KIF26B: variants seen among roughly 807,000 people sequenced by gnomAD.
KIF26B encodes kinesin family member 26B, also known as kinesin-like protein KIF26B.
A neutral mutation model predicts 151.2 loss-of-function variants in KIF26B; 63 were observed. That is an observed-to-expected ratio of 0.42 (90% CI 0.34 to 0.51). The LOEUF is 0.51. Among genes scored for constraint, KIF26B ranks in the 20% least tolerant of loss-of-function variants. KIF26B has a pLI of 0.07. For synonymous variants in KIF26B, 1,357 were observed against 1,262.1 expected (o/e 1.08, Z -1.59); for missense variants, 2,813 against 2,913.6 (o/e 0.97, Z 0.79).
At chr1:245,566,256 G>A (rs1263152308) in intron 5 of KIF26B, among the ~76,000 whole-genome samples, 1 of 152,226 alleles carries the variant, frequency 6.6e-6, no homozygotes, top group Non-Finnish European at 1.5e-5. Context: ...GTCATGGCCA[G>A]CCCCAACAGA....
In KIF26B at chr1:245,706,907, C is replaced by CA. The variant is rs2044848331; in HGVS notation, c.*4302dup. 3.3e-5 allele frequency: 5 copies of CA among 152,140 alleles called. No individual in the cohort carries two copies. In the South Asian group the frequency reaches 1.0e-3, roughly 32 times the overall value. 9.4% of individuals were successfully genotyped at this position (152,140 alleles called of 1,614,324 possible). A position where few individuals can be genotyped will look rare whatever the true frequency, so the allele number is the denominator to read the frequency against. ...AATGGGTCTCAAATTTTGGTGGGGG[C>CA]AGTGTTTCTTTGGATTCTGATACCT... On this transcript the variant is annotated 3_prime_UTR_variant, in exon 15 of 15. Coordinates refer to ENST00000407071, the MANE Select transcript of KIF26B (RefSeq NM_018012.4).
At chr1:245,504,328 T>TTCCTTCCC (rs1330898490) in intron 4 of KIF26B, among the ~76,000 whole-genome samples, 9 of 147,888 alleles carry the variant, frequency 6.1e-5, no homozygotes, top group Non-Finnish European at 1.2e-4. Flanking sequence ...CTGCCCTTCC[T>TTCCTTCCC]TCCTTCCCTC....
intron 9 of KIF26B, among the ~76,000 whole-genome samples, chr1:245,643,755 AATG>A (rs1455793619): frequency 2.0e-5 from 3 of 152,130 alleles, no homozygotes; most frequent in African/African-American, 7.2e-5. Context: ...TTTGTTTTGG[AATG>A]ATACTTTTGC....
chr1:245,326,181 C>G (rs757683396), intron 2 of KIF26B, among the ~76,000 whole-genome samples: 1 of 152,188 alleles, frequency 6.6e-6, no homozygotes, highest in Non-Finnish European at 1.5e-5. Context: ...TGCAGTCAAT[C>G]TAACTGATGT....
At chr1:245,184,050 G>GTTGTTGTTTTTT (rs1553332271) in intron 2 of KIF26B, among the ~76,000 whole-genome samples, 20 of 19,810 alleles carry the variant, frequency 1.0e-3, no homozygotes, top group Non-Finnish European at 1.5e-3. Flanking sequence ...GGGAGTTGTT[G>GTTGTTGTTTTTT]TTTTTTTTTT....
intron 4 of KIF26B, among the ~76,000 whole-genome samples, chr1:245,533,842 G>A (rs1478110708): frequency 6.6e-6 from 1 of 151,486 alleles, no homozygotes; most frequent in African/African-American, 2.4e-5. Context: ...ACATAATTGA[G>A]ACCTAAGACT....
At chr1:245,161,364 TC>T (rs922304039) in intron 2 of KIF26B, among the ~76,000 whole-genome samples, 1 of 152,208 alleles carries the variant, frequency 6.6e-6, no homozygotes, top group African/African-American at 2.4e-5. Flanking sequence ...TTTGCAAAAA[TC>T]CCTGGCCTGC....
chr1:245,444,937 T>G (rs1659214064), intron 4 of KIF26B, among the ~76,000 whole-genome samples: 1 of 152,168 alleles, frequency 6.6e-6, no homozygotes, highest in African/African-American at 2.4e-5. Flanking sequence ...AGCAGCAACA[T>G]TTTAAGTGGA....
At chr1:245,222,694 C>A (rs559753703) in intron 2 of KIF26B, among the ~76,000 whole-genome samples, 1 of 152,208 alleles carries the variant, frequency 6.6e-6, no homozygotes, top group South Asian at 2.1e-4. Flanking sequence ...CCAAATGTTG[C>A]ATATTGAGAG....
intron 10 of KIF26B, among the ~76,000 whole-genome samples, chr1:245,651,391 C>T (rs987465813): frequency 9.9e-5 from 15 of 152,142 alleles, no homozygotes; most frequent in African/African-American, 3.6e-4. Context: ...GGCAGCAGGC[C>T]CAGCATTGGC....
In KIF26B at chr1:245,614,893, CGG is replaced by C. The variant is rs1558237354; in HGVS notation, c.2098+2918_2098+2919del. On this transcript the variant is annotated intron_variant, in intron 9 of 14. Transcript: ENST00000407071. ...ATGAGGAGATGCAGACCTTTAAAAT[CGG>C]ATAGGGATGAGGAGATGCAGACCTT... The C allele has an allele frequency of 3.6e-4, 31 of 86,214 alleles. 1 individual carries two copies. The highest frequency in any genetic ancestry group is 2.8e-3 in the Admixed American group (22 of 7,904). 5.3% of individuals were successfully genotyped at this position (86,214 alleles called of 1,614,324 possible).
chr1:245,234,473 G>A (rs1034271717), intron 2 of KIF26B: 2 of 152,326 alleles, frequency 1.3e-5, no homozygotes, highest in African/African-American at 4.8e-5. Flanking sequence ...CAGGCCTCAG[G>A]GCTTCCTGGG....
intron 10 of KIF26B, among the ~76,000 whole-genome samples, chr1:245,678,870 A>G (rs199941471): frequency 3.7e-5 from 2 of 54,202 alleles, no homozygotes; most frequent in African/African-American, 8.2e-5. Flanking sequence ...CTCAAAAAAG[A>G]AAAAAAAAAA....
intron 2 of KIF26B, among the ~76,000 whole-genome samples, chr1:245,305,964 A>G (rs1239418576): frequency 6.6e-6 from 1 of 151,602 alleles, no homozygotes; most frequent in Non-Finnish European, 1.5e-5. Flanking sequence ...AAAAGAAAAG[A>G]AAATGTGAAA....
chr1:245,243,447 TACACACAC>T (rs56334344), intron 2 of KIF26B, among the ~76,000 whole-genome samples: 2 of 147,262 alleles, frequency 1.4e-5, no homozygotes, highest in Admixed American at 1.4e-4. Context: ...TATATATATA[TACACACAC>T]ACACACACAC....
At chr1:245,392,859 G>A (rs1673734774) in intron 3 of KIF26B, among the ~76,000 whole-genome samples, 1 of 151,508 alleles carries the variant, frequency 6.6e-6, no homozygotes, top group African/African-American at 2.4e-5. Flanking sequence ...CTATTATTTG[G>A]TGTTATTGTC....
chr1:245,374,397 G>A (rs148216019), intron 3 of KIF26B, among the ~76,000 whole-genome samples: 3 of 151,770 alleles, frequency 2.0e-5, no homozygotes, highest in Non-Finnish European at 4.4e-5. Flanking sequence ...GGCTGATGTC[G>A]GGAGATGAGG....
At chr1:245,684,445 C>T (rs1474601540) in intron 11 of KIF26B, 50 bp downstream of exon 11, 2 of 1,515,900 alleles carry the variant, frequency 1.3e-6, no homozygotes, top group Admixed American at 2.1e-5. Context: ...GCCTTTGGAG[C>T]CGTGCCCTGG....
At chr1:245,481,676 C>T (rs1301327247) in intron 4 of KIF26B, among the ~76,000 whole-genome samples, 2 of 151,844 alleles carry the variant, frequency 1.3e-5, no homozygotes, top group Non-Finnish European at 2.9e-5. Context: ...AAGAGATTTC[C>T]TTTTTCAACA....
Sources: gnomAD v4.1 joint callset for allele counts (sites outside exome capture counted in the v4.1 genomes callset) on GRCh38, gnomAD v4.1.1 for gene constraint, MANE v1.5 for transcripts, NCBI Gene and HGNC (gene_info 2026-07-23, HGNC 2026-07-21) for gene names.